The following OR9Q1 variants were observed in gnomAD, a reference collection of about 807,000 sequenced individuals.
OR9Q1 encodes the protein olfactory receptor family 9 subfamily Q member 1.
For missense variants in OR9Q1, 374 were observed against 378.8 expected (o/e 0.99, Z 0.11); for synonymous variants, 153 against 148.6 (o/e 1.03, Z -0.22).
intron 2 of OR9Q1, among the ~76,000 whole-genome samples, chr11:58,085,665 T>A (rs1230004744): frequency 6.6e-6 from 1 of 151,904 alleles, no homozygotes; most frequent in East Asian, 1.9e-4. Context: ...TTTTTATTCT[T>A]TTTTAAAAAA....
intron 1 of OR9Q1, chr11:58,026,874 A>G (rs1048048835): frequency 5.3e-5 from 8 of 152,252 alleles, no homozygotes; most frequent in African/African-American, 1.9e-4. Context: ...AAGTAATGAG[A>G]CATTTAAAAA....
chr11:58,047,245 T>C (rs1283292443), intron 1 of OR9Q1: 2 of 152,218 alleles, frequency 1.3e-5, no homozygotes, highest in African/African-American at 2.4e-5. Flanking sequence ...GAGTTCAATA[T>C]GACAAATACT....
intron 2 of OR9Q1, among the ~76,000 whole-genome samples, chr11:58,092,322 T>C (rs1200546878): frequency 9.7e-5 from 4 of 41,222 alleles, no homozygotes; most frequent in Non-Finnish European, 1.8e-4. Context: ...AAGGATATTC[T>C]TAATTCTAAT....
intron 2 of OR9Q1, among the ~76,000 whole-genome samples, chr11:58,088,260 TA>T (rs931138584): frequency 6.6e-6 from 1 of 152,118 alleles, no homozygotes; most frequent in African/African-American, 2.4e-5. Context: ...TTTCCTATTG[TA>T]AATAGTGCTG....
chr11:58,147,779 C>T (rs1216756658), intron 2 of OR9Q1, among the ~76,000 whole-genome samples: 1 of 152,114 alleles, frequency 6.6e-6, no homozygotes, highest in African/African-American at 2.4e-5. Flanking sequence ...TGAATAAAAA[C>T]ATTCATAAAT....
At chr11:58,139,945 G>A (rs534399923) in intron 2 of OR9Q1, among the ~76,000 whole-genome samples, 2 of 115,106 alleles carry the variant, frequency 1.7e-5, no homozygotes, top group Non-Finnish European at 3.8e-5. Flanking sequence ...TCCAGCACCT[G>A]TTGTTTCCTG....
intron 2 of OR9Q1, among the ~76,000 whole-genome samples, chr11:58,087,295 C>A (rs1346733451): frequency 6.6e-6 from 1 of 151,452 alleles, no homozygotes; most frequent in East Asian, 1.9e-4. Flanking sequence ...TCTTGTGCAC[C>A]CTTCCACTGA....
chr11:58,061,877 C>G (rs1176520059), intron 2 of OR9Q1, among the ~76,000 whole-genome samples: 2 of 152,192 alleles, frequency 1.3e-5, no homozygotes, highest in African/African-American at 4.8e-5. Flanking sequence ...TCGGTTCACA[C>G]CCATTCAACA....
chr11:58,056,205 C>T (rs190417939), intron 2 of OR9Q1, among the ~76,000 whole-genome samples: 5 of 152,322 alleles, frequency 3.3e-5, no homozygotes, highest in Admixed American at 2.6e-4. Flanking sequence ...TAGATTGAAG[C>T]TACCAGTGGT....
intron 2 of OR9Q1, among the ~76,000 whole-genome samples, chr11:58,088,398 C>T (rs1020804259): frequency 6.6e-5 from 10 of 151,958 alleles, no homozygotes; most frequent in African/African-American, 2.4e-4. Flanking sequence ...AATTGCCACA[C>T]TGTCTTCCAT....
chr11:58,113,405 A>G (rs1470682042), intron 2 of OR9Q1, among the ~76,000 whole-genome samples: 1 of 152,202 alleles, frequency 6.6e-6, no homozygotes, highest in Non-Finnish European at 1.5e-5. Flanking sequence ...TAACAAGTCC[A>G]GGATGGGACC....
At chr11:58,103,089 A>G (rs764476255) in intron 2 of OR9Q1, among the ~76,000 whole-genome samples, 1 of 152,082 alleles carries the variant, frequency 6.6e-6, no homozygotes, top group Non-Finnish European at 1.5e-5. Flanking sequence ...CTGAGACTGG[A>G]TAATTTATAA....
intron 2 of OR9Q1, among the ~76,000 whole-genome samples, chr11:58,167,743 A>G (rs776908948): frequency 2.6e-5 from 4 of 152,136 alleles, no homozygotes; most frequent in Non-Finnish European, 4.4e-5. Flanking sequence ...GCTTTCCTCT[A>G]TGTGGTGTCT....
At chr11:58,147,464 C>A (rs1202411518) in intron 2 of OR9Q1, among the ~76,000 whole-genome samples, 1 of 152,122 alleles carries the variant, frequency 6.6e-6, no homozygotes, top group African/African-American at 2.4e-5. Context: ...GAAAAGTCTT[C>A]AAATGTAAAA....
intron 2 of OR9Q1, among the ~76,000 whole-genome samples, chr11:58,060,854 G>T (rs1853374259): frequency 6.6e-6 from 1 of 151,960 alleles, no homozygotes; most frequent in Non-Finnish European, 1.5e-5. Flanking sequence ...GTTTATTGAG[G>T]AGTCCCAAAC....
chr11:58,178,189 T>A (rs1854623146), intron 2 of OR9Q1, among the ~76,000 whole-genome samples: 1 of 152,170 alleles, frequency 6.6e-6, no homozygotes, highest in African/African-American at 2.4e-5. Context: ...GGAGTCAAAA[T>A]ATTATCCCAT....
chr11:58,077,040 G>C (rs971659828), intron 2 of OR9Q1, among the ~76,000 whole-genome samples: 2 of 152,158 alleles, frequency 1.3e-5, no homozygotes, highest in Non-Finnish European at 2.9e-5. Flanking sequence ...GGAAACATTA[G>C]GTAAGGATGT....
intron 2 of OR9Q1, among the ~76,000 whole-genome samples, chr11:58,122,785 C>A (rs1261737565): frequency 6.6e-6 from 1 of 152,014 alleles, no homozygotes; most frequent in African/African-American, 2.4e-5. Flanking sequence ...CCAGTGTATT[C>A]AAAATACATA....
intron 2 of OR9Q1, among the ~76,000 whole-genome samples, chr11:58,139,234 G>GT (rs966136137): frequency 2.0e-5 from 3 of 151,610 alleles, no homozygotes; most frequent in East Asian, 1.9e-4. Context: ...TATATACAGG[G>GT]TTTTTTCCCT....
Sources: gnomAD v4.1 joint callset for allele counts (sites outside exome capture counted in the v4.1 genomes callset) on GRCh38, gnomAD v4.1.1 for gene constraint, MANE v1.5 for transcripts, NCBI Gene and HGNC (gene_info 2026-07-23, HGNC 2026-07-21) for gene names.